Variants in SCHIP1 observed in about 807,000 individuals in gnomAD.
SCHIP1 encodes schwannomin interacting protein 1.
In SCHIP1, 8 loss-of-function variants were observed where a neutral mutation model predicts 29.7. The observed-to-expected ratio is 0.27, with a 90% confidence interval of 0.16 to 0.49. The LOEUF is 0.49. SCHIP1 is among the 20% of genes least tolerant of loss of function. The pLI is 0.99. For missense variants in SCHIP1, 193 were observed against 294.6 expected, an observed-to-expected ratio of 0.66 and a Z score of 2.52; for synonymous variants, 76 against 94.9, an observed-to-expected ratio of 0.80 and a Z score of 1.16.
the SCHIP1 span, among the ~76,000 whole-genome samples, chr3:159,370,080 T>A: frequency 6.6e-6 from 1 of 152,200 alleles, no homozygotes; most frequent in Admixed American, 6.5e-5. Context: ...ACATGCACAT[T>A]TATAAATGAA....
At chr3:159,626,225 T>G in the SCHIP1 span, among the ~76,000 whole-genome samples, 594 of 111,824 alleles carry the variant, frequency 5.3e-3, 31 homozygotes, top group African/African-American at 0.032. Flanking sequence ...TAGATATATA[T>G]ATATCTAGAT....
chr3:159,518,434 A>G, the SCHIP1 span, among the ~76,000 whole-genome samples: 1 of 152,136 alleles, frequency 6.6e-6, no homozygotes, highest in Non-Finnish European at 1.5e-5. Context: ...ATTTCATAAT[A>G]AAATATATTT....
chr3:159,752,672 C>T, the SCHIP1 span, among the ~76,000 whole-genome samples: 2 of 151,972 alleles, frequency 1.3e-5, no homozygotes, highest in South Asian at 2.1e-4. Flanking sequence ...CCAGCTCTCT[C>T]GAGAACTCAC....
the SCHIP1 span, among the ~76,000 whole-genome samples, chr3:159,464,069 T>C: frequency 3.9e-5 from 6 of 152,320 alleles, no homozygotes; most frequent in East Asian, 1.2e-3. Context: ...GACTGTCTTT[T>C]GCAAGATAGA....
the SCHIP1 span, among the ~76,000 whole-genome samples, chr3:159,300,413 G>A: frequency 6.6e-6 from 1 of 151,910 alleles, no homozygotes; most frequent in Non-Finnish European, 1.5e-5. Flanking sequence ...AGGTTCTAAG[G>A]CAGAGACTTC....
At chr3:159,518,699 G>A in the SCHIP1 span, among the ~76,000 whole-genome samples, 3 of 152,092 alleles carry the variant, frequency 2.0e-5, no homozygotes, top group African/African-American at 7.2e-5. Flanking sequence ...TCTAAAAGCA[G>A]ATAGAAATGT....
intron 2 of SCHIP1, among the ~76,000 whole-genome samples, chr3:159,878,503 G>T (rs1171512267): frequency 2.7e-5 from 4 of 149,742 alleles, no homozygotes; most frequent in African/African-American, 7.4e-5. Flanking sequence ...AATAGGCCGG[G>T]CGCGGTGGCT....
the SCHIP1 span, among the ~76,000 whole-genome samples, chr3:159,399,285 C>T: frequency 1.3e-5 from 2 of 152,140 alleles, no homozygotes; most frequent in Admixed American, 6.5e-5. Flanking sequence ...TCTTTTTTAG[C>T]TCTACTTACT....
the SCHIP1 span, among the ~76,000 whole-genome samples, chr3:159,433,400 T>C: frequency 6.6e-6 from 1 of 152,304 alleles, no homozygotes; most frequent in South Asian, 2.1e-4. Context: ...GGATGACCGC[T>C]TAAGAGCAGG....
At chr3:159,534,869 A>C in the SCHIP1 span, among the ~76,000 whole-genome samples, 1 of 152,190 alleles carries the variant, frequency 6.6e-6, no homozygotes, top group African/African-American at 2.4e-5. Flanking sequence ...ATTACATCCA[A>C]GTTTATGTAT....
At chr3:159,385,267 C>G in the SCHIP1 span, among the ~76,000 whole-genome samples, 4 of 152,164 alleles carry the variant, frequency 2.6e-5, no homozygotes, top group African/African-American at 7.2e-5. Flanking sequence ...TAATAAACAA[C>G]AGTTGAACAA....
chr3:159,695,974 G>A, the SCHIP1 span, among the ~76,000 whole-genome samples: 6 of 151,748 alleles, frequency 4.0e-5, no homozygotes, highest in Admixed American at 2.6e-4. Flanking sequence ...TTGCCCTACC[G>A]CACCCCCCAC....
chr3:159,697,055 A>T, the SCHIP1 span, among the ~76,000 whole-genome samples: 1 of 152,210 alleles, frequency 6.6e-6, no homozygotes, highest in Admixed American at 6.5e-5. Context: ...ATGGTCAGAC[A>T]TGCCTTTTAG....
At chr3:159,496,306 A>C in the SCHIP1 span, among the ~76,000 whole-genome samples, 2 of 152,214 alleles carry the variant, frequency 1.3e-5, no homozygotes, top group Non-Finnish European at 2.9e-5. Flanking sequence ...CTACCATCAG[A>C]GTGAACAGGC....
the SCHIP1 span, among the ~76,000 whole-genome samples, chr3:159,387,871 A>G: frequency 6.6e-6 from 1 of 152,220 alleles, no homozygotes; most frequent in African/African-American, 2.4e-5. Flanking sequence ...TCTAAGTAAT[A>G]TCAAGTGATA....
chr3:159,571,197 G>C, the SCHIP1 span, among the ~76,000 whole-genome samples: 4 of 152,132 alleles, frequency 2.6e-5, no homozygotes, highest in Admixed American at 2.6e-4. Flanking sequence ...GTGAGAGAGG[G>C]CATCCTTGTC....
At chr3:159,376,068 T>C in the SCHIP1 span, among the ~76,000 whole-genome samples, 2 of 152,050 alleles carry the variant, frequency 1.3e-5, no homozygotes, top group South Asian at 4.1e-4. Context: ...GAGTGCCCAA[T>C]GTTGTGTGGT....
the SCHIP1 span, among the ~76,000 whole-genome samples, chr3:159,290,543 G>A: frequency 6.6e-6 from 1 of 151,830 alleles, no homozygotes; most frequent in African/African-American, 2.4e-5. Flanking sequence ...ACAAAATAAG[G>A]GAATCTCTAA....
the SCHIP1 span, among the ~76,000 whole-genome samples, chr3:159,406,723 AAAC>A: frequency 6.6e-6 from 1 of 152,192 alleles, no homozygotes; most frequent in African/African-American, 2.4e-5. Flanking sequence ...TAAATAGAAA[AAAC>A]AAAAAGTTAA....
Sources: gnomAD v4.1 joint callset for allele counts (sites outside exome capture counted in the v4.1 genomes callset) on GRCh38, gnomAD v4.1.1 for gene constraint, MANE v1.5 for transcripts, NCBI Gene and HGNC (gene_info 2026-07-23, HGNC 2026-07-21) for gene names.